Variants in PKIB observed in about 807,000 individuals in gnomAD.
The protein encoded by PKIB is cAMP-dependent protein kinase inhibitor beta.
A neutral mutation model predicts 4.5 loss-of-function variants in PKIB; 2 were observed. The observed-to-expected ratio is 0.44, with a 90% CI of 0.18 to 1.39. The LOEUF is 1.39. Ranked by LOEUF, PKIB falls within the 40% of genes most tolerant of loss-of-function variation. PKIB has a pLI of 0.27. For missense variants in PKIB, 94 were observed against 92.6 expected, an observed-to-expected ratio of 1.02 and a Z score of -0.06; for synonymous variants, 38 against 36.0, an observed-to-expected ratio of 1.06 and a Z score of -0.20.
intron 2 of PKIB, among the ~76,000 whole-genome samples, chr6:122,573,409 G>A (rs929289184): frequency 5.9e-4 from 89 of 151,068 alleles, no homozygotes; most frequent in Admixed American, 1.3e-4. Context: ...GTTCTCCCAG[G>A]TACTCGCGAG....
At chr6:122,632,891 TG>T (rs1438232526) in intron 1 of PKIB, among the ~76,000 whole-genome samples, 1 of 152,232 alleles carries the variant, frequency 6.6e-6, no homozygotes, top group East Asian at 1.9e-4. Flanking sequence ...AAAAAAATCT[TG>T]CTTTCTTGTT....
intron 2 of PKIB, among the ~76,000 whole-genome samples, chr6:122,577,814 C>A (rs1205399324): frequency 2.0e-5 from 3 of 150,318 alleles, no homozygotes; most frequent in Admixed American, 1.3e-4. Context: ...GAGGCTGAGG[C>A]AGGAGAATGG....
chr6:122,501,321 A>T (rs1175372360), intron 2 of PKIB, among the ~76,000 whole-genome samples: 1 of 152,178 alleles, frequency 6.6e-6, no homozygotes, highest in Non-Finnish European at 1.5e-5. Flanking sequence ...CTCTCATTCC[A>T]AAAGGGATAA....
rs77722292 is a variant in PKIB, at chr6:122,620,302, G to C, written c.-161+9767G>C. On this transcript the variant is annotated intron_variant, in intron 1 of 4. Coordinates refer to ENST00000368452, the MANE Select transcript of PKIB (RefSeq NM_181795.3). ...TGCCTTCCTATGTACATCCAATATC[G>C]TGACCTCTCACTTACCATGTGGTCG... 2.5e-3 allele frequency among the ~76,000 whole-genome samples: 386 copies of C among 152,166 alleles called. 3 individuals carry two copies. Among genetic ancestry groups the C allele is most frequent in the East Asian group, 0.02 (106 of 5,172 alleles).
At chr6:122,501,583 T>C (rs1321473670) in intron 2 of PKIB, among the ~76,000 whole-genome samples, 1 of 152,200 alleles carries the variant, frequency 6.6e-6, no homozygotes, top group Non-Finnish European at 1.5e-5. Flanking sequence ...TAGCGATGGC[T>C]GGAGCTGGAA....
intron 2 of PKIB, among the ~76,000 whole-genome samples, chr6:122,505,077 T>C (rs1776356037): frequency 6.6e-6 from 1 of 152,208 alleles, no homozygotes; most frequent in African/African-American, 2.4e-5. Context: ...CAGTACGTCA[T>C]AGGCGTTATC....
chr6:122,559,366 A>G (rs1320189936), intron 2 of PKIB, among the ~76,000 whole-genome samples: 1 of 151,800 alleles, frequency 6.6e-6, no homozygotes, highest in Non-Finnish European at 1.5e-5. Flanking sequence ...TATTTGGTTT[A>G]TTTCTGGCTT....
intron 2 of PKIB, chr6:122,585,805 T>TA (rs1358224436): frequency 6.6e-6 from 1 of 152,158 alleles, no homozygotes; most frequent in Non-Finnish European, 1.5e-5. Context: ...TTTCTTGAAT[T>TA]ATCCAGAACG....
At chr6:122,710,088 G>T (rs1033634964) in intron 3 of PKIB, among the ~76,000 whole-genome samples, 2 of 151,932 alleles carry the variant, frequency 1.3e-5, no homozygotes, top group Non-Finnish European at 2.9e-5. Flanking sequence ...TAATCGATAG[G>T]TATCAGCTAT....
At chr6:122,515,175 A>G (rs1776709052) in intron 2 of PKIB, among the ~76,000 whole-genome samples, 1 of 152,130 alleles carries the variant, frequency 6.6e-6, no homozygotes, top group African/African-American at 2.4e-5. Context: ...ATAATTTTCC[A>G]TTTTCTGAAC....
chr6:122,488,412 A>G (rs1775834027), intron 2 of PKIB, among the ~76,000 whole-genome samples: 1 of 151,818 alleles, frequency 6.6e-6, no homozygotes, highest in African/African-American at 2.4e-5. Context: ...TTCCCTTCAT[A>G]TTCTTTTGTT....
intron 3 of PKIB, among the ~76,000 whole-genome samples, chr6:122,707,624 T>G (rs1327127827): frequency 6.6e-6 from 1 of 152,196 alleles, no homozygotes; most frequent in East Asian, 1.9e-4. Context: ...ACATAGTTGG[T>G]ATATGCTCTC....
rs1385552812 is a variant in PKIB, at chr6:122,522,136, A to G, written c.-248+44197A>G. ...CTAAAATAAACATGAACAGCAAGTA[A>G]TAAGTCATTAGCAAAAAAAAAACAT... On this transcript the variant is annotated intron_variant, in intron 2 of 6. Coordinates refer to the PKIB transcript ENST00000392491. 6.2e-5 allele frequency among the ~76,000 whole-genome samples: 8 copies of G among 129,470 alleles called. No homozygotes were observed. The East Asian group carries it at 1.8e-3, about 29-fold the overall frequency. 84.9% of individuals were successfully genotyped at this position (129,470 alleles called of 152,430 possible). A position where few individuals can be genotyped will look rare whatever the true frequency, so the allele number is the denominator to read the frequency against.
intron 2 of PKIB, among the ~76,000 whole-genome samples, chr6:122,641,005 A>G (rs1159073987): frequency 6.6e-6 from 1 of 152,138 alleles, no homozygotes; most frequent in African/African-American, 2.4e-5. Flanking sequence ...CCACCTCCCA[A>G]AATTGACTCA....
At chr6:122,508,469 G>T (rs1431344802) in intron 2 of PKIB, among the ~76,000 whole-genome samples, 1 of 152,162 alleles carries the variant, frequency 6.6e-6, no homozygotes, top group Non-Finnish European at 1.5e-5. Context: ...TTGTGTTAAG[G>T]TGTAAGGTGT....
At chr6:122,700,826 G>A (rs897728618) in intron 3 of PKIB, among the ~76,000 whole-genome samples, 9 of 152,262 alleles carry the variant, frequency 5.9e-5, no homozygotes, top group African/African-American at 2.2e-4. Context: ...AGAAGTGGCT[G>A]CCTCTTCCTC....
intron 3 of PKIB, among the ~76,000 whole-genome samples, chr6:122,689,834 C>T (rs1328711868): frequency 1.3e-5 from 2 of 152,058 alleles, no homozygotes; most frequent in Non-Finnish European, 2.9e-5. Context: ...CAGATCTGTC[C>T]AGTGCTGCAA....
intron 1 of PKIB, among the ~76,000 whole-genome samples, chr6:122,472,317 T>G (rs1462121173): frequency 6.6e-6 from 1 of 152,274 alleles, no homozygotes; most frequent in African/African-American, 2.4e-5. Flanking sequence ...TATTCATCTG[T>G]GTGCTTCAGT....
chr6:122,668,170 A>G (rs1467088425), intron 2 of PKIB, among the ~76,000 whole-genome samples: 1 of 152,188 alleles, frequency 6.6e-6, no homozygotes, highest in Non-Finnish European at 1.5e-5. Context: ...AGAAGTGAAA[A>G]GTATTGTCTG....
Sources: gnomAD v4.1 joint callset for allele counts (sites outside exome capture counted in the v4.1 genomes callset) on GRCh38, gnomAD v4.1.1 for gene constraint, MANE v1.5 for transcripts, NCBI Gene and HGNC (gene_info 2026-07-23, HGNC 2026-07-21) for gene names.